GNAO1: variants seen among roughly 807,000 people sequenced by gnomAD.
The protein encoded by GNAO1 is G protein subunit alpha o1, also known as guanine nucleotide-binding protein G(o) subunit alpha.
For missense variants in GNAO1, 166 were observed against 478.7 expected (o/e 0.35, Z 6.10); for synonymous variants, 164 against 180.7 (o/e 0.91, Z 0.74).
intron 2 of GNAO1, among the ~76,000 whole-genome samples, chr16:56,247,368 C>T (rs758067696): frequency 6.6e-6 from 1 of 152,190 alleles, no homozygotes; most frequent in African/African-American, 2.4e-5. Context: ...AAAGCTGTAC[C>T]CAATTTCTCC....
Position 56,334,836 on chromosome 16 carries a change from C to T in GNAO1, c.572C>T (p.Thr191Ile). The T allele has an allele frequency of 6.2e-7, 1 of 1,614,036 alleles. No individual in the cohort carries two copies. The highest frequency in any genetic ancestry group is 8.5e-7 in the Non-Finnish European group (1 of 1,180,012). The change falls in exon 5 of 9, where the codon ACA (threonine) becomes ATA (isoleucine). Residue 191 changes from threonine to isoleucine, a missense_variant. By Grantham distance (89) the Thr-to-Ile change is moderately conservative (BLOSUM62 -1). Coordinates refer to ENST00000262493, the MANE Select transcript of GNAO1 (RefSeq NM_020988.3). ...ACTGGCATCGTAGAAACCCACTTCA[C>T]ATTCAAGAACCTCCACTTCAGGTGA... The part of the protein sequence containing the change: ...KTTGIVETHF[T>I]FKNLHFRLFD...
chr16:56,343,877 A>G (rs1222148370), intron 6 of GNAO1: 1 of 1,614,028 alleles, frequency 6.2e-7, no homozygotes, highest in African/African-American at 1.3e-5. Flanking sequence ...GACACCAACA[A>G]CATCCAGTTT....
chr16:56,252,804 G>A (rs1343268117), intron 2 of GNAO1, among the ~76,000 whole-genome samples: 1 of 152,150 alleles, frequency 6.6e-6, no homozygotes, highest in Non-Finnish European at 1.5e-5. Flanking sequence ...CTTCTTGTGG[G>A]CAGTGGGGTG....
intron 4 of GNAO1, among the ~76,000 whole-genome samples, chr16:56,330,547 C>T (rs775633375): frequency 6.6e-6 from 1 of 152,162 alleles, no homozygotes; most frequent in African/African-American, 2.4e-5. Flanking sequence ...CCCCACCAGC[C>T]CTGCCCCTCC....
chr16:56,223,033 T>A (rs1470612319), intron 2 of GNAO1, among the ~76,000 whole-genome samples: 3 of 152,194 alleles, frequency 2.0e-5, no homozygotes, highest in Non-Finnish European at 4.4e-5. Context: ...TTATTGTGGC[T>A]GTTTCAATTG....
At chr16:56,279,796 C>T (rs1308767383) in intron 3 of GNAO1, among the ~76,000 whole-genome samples, 2 of 152,232 alleles carry the variant, frequency 1.3e-5, no homozygotes, top group Non-Finnish European at 2.9e-5. Flanking sequence ...GGACACAGCA[C>T]ACATCTAGGA....
intron 1 of GNAO1, 98 bp downstream of exon 1, chr16:56,192,451 C>A: frequency 4.3e-6 from 3 of 690,230 alleles, no homozygotes; most frequent in Non-Finnish European, 7.2e-6. Flanking sequence ...GAGACCTGGT[C>A]CCCAAGTTGG....
intron 3 of GNAO1, among the ~76,000 whole-genome samples, chr16:56,322,864 C>G (rs1320422616): frequency 1.3e-5 from 2 of 152,138 alleles, no homozygotes; most frequent in African/African-American, 4.8e-5. Flanking sequence ...GGGGCCAAGC[C>G]TCATATTAAA....
chr16:56,334,258 A>T (rs1162144882), intron 4 of GNAO1, among the ~76,000 whole-genome samples: 3 of 152,214 alleles, frequency 2.0e-5, no homozygotes, highest in East Asian at 3.8e-4. Context: ...CAGTAATAAA[A>T]TTATGGCCTC....
intron 2 of GNAO1, among the ~76,000 whole-genome samples, chr16:56,225,042 C>T (rs1273913194): frequency 2.0e-5 from 3 of 152,226 alleles, no homozygotes; most frequent in Non-Finnish European, 2.9e-5. Flanking sequence ...TAGTGTCCCC[C>T]ATCTCCATGG....
chr16:56,257,051 C>T (rs1301589767), intron 2 of GNAO1, among the ~76,000 whole-genome samples: 2 of 152,126 alleles, frequency 1.3e-5, no homozygotes, highest in African/African-American at 2.4e-5. Context: ...CATTACTATG[C>T]CTTTGACACA....
intron 2 of GNAO1, among the ~76,000 whole-genome samples, chr16:56,217,950 A>G (rs553823391): frequency 6.6e-6 from 1 of 152,374 alleles, no homozygotes; most frequent in South Asian, 2.1e-4. Flanking sequence ...TAAGGGACAG[A>G]GAATGTGCTG....
chr16:56,347,353 G>A (rs532466078), intron 6 of GNAO1: 24 of 985,532 alleles, frequency 2.4e-5, no homozygotes, highest in Middle Eastern at 5.2e-4. Context: ...CTGTCAGGCC[G>A]CAAGCCTAGA....
chr16:56,356,234 T>C lies in GNAO1; in HGVS notation c.*160T>C, dbSNP rs2037966688. ...GACCCCAGAGTGACTGACGGCTGTGTATTTCTGTAGAATGCTGTAGAATCC... is the reference window on the plus strand; with the variant it reads ...GACCCCAGAGTGACTGACGGCTGTGCATTTCTGTAGAATGCTGTAGAATCC... On this transcript the variant is annotated 3_prime_UTR_variant, in exon 9 of 9. Transcript: ENST00000262493. The C allele has an allele frequency of 6.6e-6, 1 of 152,666 alleles. No individual in the cohort carries two copies. The highest frequency in any genetic ancestry group is 1.5e-5 in the Non-Finnish European group (1 of 68,038). The allele number at this position is 152,666 out of a possible 1,614,324, so 9.5% of individuals were successfully genotyped here. A position where few individuals can be genotyped will look rare whatever the true frequency, so the allele number is the denominator to read the frequency against.
At chr16:56,271,815 C>T (rs749771406) in intron 2 of GNAO1, among the ~76,000 whole-genome samples, 1 of 152,160 alleles carries the variant, frequency 6.6e-6, no homozygotes, top group Non-Finnish European at 1.5e-5. Flanking sequence ...TACATTTATT[C>T]CTCCCAACTC....
At chr16:56,210,354 T>C (rs2036374950) in intron 2 of GNAO1, among the ~76,000 whole-genome samples, 2 of 152,240 alleles carry the variant, frequency 1.3e-5, no homozygotes, top group Non-Finnish European at 2.9e-5. Flanking sequence ...TTGGGAATTA[T>C]GAATAAACCT....
intron 2 of GNAO1, among the ~76,000 whole-genome samples, chr16:56,224,757 G>A (rs1412336302): frequency 1.3e-5 from 2 of 152,218 alleles, no homozygotes; most frequent in East Asian, 1.9e-4. Flanking sequence ...ACGAGCCACC[G>A]TGCCCGGCCC....
chr16:56,268,389 C>G (rs2036980041), intron 2 of GNAO1, among the ~76,000 whole-genome samples: 1 of 152,200 alleles, frequency 6.6e-6, no homozygotes, highest in Non-Finnish European at 1.5e-5. Flanking sequence ...AAGGGAGGGA[C>G]CAGGCCTCAT....
chr16:56,313,749 C>T (rs532172890), intron 3 of GNAO1, among the ~76,000 whole-genome samples: 211 of 152,186 alleles, frequency 1.4e-3, no homozygotes, highest in Non-Finnish European at 2.2e-3. Context: ...TTTTTTGAGA[C>T]GGTATCTGTC....
Sources: allele counts gnomAD v4.1 joint callset (sites outside exome capture counted in the v4.1 genomes callset), GRCh38; gene constraint gnomAD v4.1.1; transcripts MANE v1.5; gene names NCBI Gene and HGNC (gene_info 2026-07-23, HGNC 2026-07-21).